The following GAREM1 variants were observed in gnomAD, a reference collection of about 807,000 sequenced individuals.
The protein encoded by GAREM1 is GRB2-associated and regulator of MAPK protein 1.
A neutral mutation model predicts 71.3 loss-of-function variants in GAREM1; 26 were observed. The observed-to-expected ratio is 0.36, with a 90% CI of 0.27 to 0.51. The LOEUF (loss-of-function observed/expected upper bound fraction) is 0.51, where lower values mean the gene tolerates loss of function less well. GAREM1 is among the 20% of genes least tolerant of loss of function. The probability of loss-of-function intolerance (pLI) is 0.95; values close to 1 mark genes in which losing one functional copy is unlikely to be tolerated. For missense variants in GAREM1, 1,026 were observed against 1,103.1 expected, an observed-to-expected ratio of 0.93 and a Z score of 0.99; for synonymous variants, 440 against 433.2, an observed-to-expected ratio of 1.02 and a Z score of -0.20.
chr18:32,267,824 C>T lies in GAREM1; in HGVS notation c.*47G>A, dbSNP rs1055236478. ...TTGTGTCCCAGCCCACCCCTTCTAG[C>T]ACACGCATTGATCAGTTTTGTTCCA... On this transcript the variant is annotated 3_prime_UTR_variant, in exon 6 of 6. Transcript: ENST00000269209. The T allele has an allele frequency of 6.7e-7, 1 of 1,486,976 alleles. No homozygotes were observed. The highest frequency in any genetic ancestry group is 9.2e-7 in the Non-Finnish European group (1 of 1,086,222). The allele number at this position is 1,486,976 out of a possible 1,614,324, so 92.1% of individuals were successfully genotyped here.
At chr18:32,299,780 C>T (rs1285362238) in intron 3 of GAREM1, among the ~76,000 whole-genome samples, 1 of 151,994 alleles carries the variant, frequency 6.6e-6, no homozygotes, top group Non-Finnish European at 1.5e-5. Flanking sequence ...AATTTACAGC[C>T]TTAGCAAAAC....
intron 4 of GAREM1, among the ~76,000 whole-genome samples, chr18:32,272,223 T>C (rs887128468): frequency 2.0e-5 from 3 of 152,202 alleles, no homozygotes; most frequent in Non-Finnish European, 4.4e-5. Flanking sequence ...CCTGATTCAC[T>C]TGCCAGAGAA....
At position 32,331,211 on chromosome 18, in the gene GAREM1, T is replaced by G. The variant is rs539709885; in HGVS notation, c.263-20888A>C. 3.9e-5 allele frequency among the ~76,000 whole-genome samples: 6 copies of G among 152,318 alleles called. No homozygotes were observed. In the South Asian group the frequency reaches 1.2e-3, roughly 32 times the overall value. ...CTTAAAAACCCGACAAAAAATGGGT[T>G]TGGAGTTATACCCTTTCTTAAACTG... On this transcript the variant is annotated intron_variant, in intron 2 of 5. Transcript: ENST00000269209.
intron 2 of GAREM1, among the ~76,000 whole-genome samples, chr18:32,325,605 A>C (rs1045830797): frequency 2.7e-4 from 41 of 152,316 alleles, no homozygotes; most frequent in African/African-American, 9.4e-4. Context: ...TTCAAGACTG[A>C]GGTAGGACAG....
chr18:32,309,713 A>G (rs1369537143), intron 3 of GAREM1, among the ~76,000 whole-genome samples: 1 of 151,760 alleles, frequency 6.6e-6, no homozygotes, highest in African/African-American at 2.4e-5. Context: ...TTTTCTCTAT[A>G]TATAGTGAAA....
chr18:32,465,881 C>G (rs2048994304), intron 1 of GAREM1, among the ~76,000 whole-genome samples: 1 of 152,214 alleles, frequency 6.6e-6, no homozygotes, highest in Non-Finnish European at 1.5e-5. Flanking sequence ...ACCATCTCCC[C>G]TTCACAATGG....
chr18:32,284,781 GCT>G (rs2046993818), intron 4 of GAREM1, among the ~76,000 whole-genome samples: 1 of 141,770 alleles, frequency 7.1e-6, no homozygotes, highest in Non-Finnish European at 1.5e-5. Context: ...AGACAGTCTC[GCT>G]CTGTCGCCCA....
At chr18:32,322,204 A>G (rs1356669856) in intron 2 of GAREM1, among the ~76,000 whole-genome samples, 1 of 152,176 alleles carries the variant, frequency 6.6e-6, no homozygotes, top group Non-Finnish European at 1.5e-5. Flanking sequence ...GCTGAAACTA[A>G]AAGGCATGAC....
intron 2 of GAREM1, among the ~76,000 whole-genome samples, chr18:32,317,200 T>A (rs922549143): frequency 6.6e-6 from 1 of 151,304 alleles, no homozygotes; most frequent in Non-Finnish European, 1.5e-5. Context: ...AGGCCAGGAG[T>A]TTAAGACCAA....
chr18:32,467,267 T>C (rs2049008752), intron 1 of GAREM1, among the ~76,000 whole-genome samples: 1 of 152,156 alleles, frequency 6.6e-6, no homozygotes, highest in South Asian at 2.1e-4. Context: ...AGCACTTAAT[T>C]TGGTGTCTAC....
chr18:32,279,136 T>C (rs1300420555), intron 4 of GAREM1, among the ~76,000 whole-genome samples: 1 of 152,226 alleles, frequency 6.6e-6, no homozygotes, highest in Non-Finnish European at 1.5e-5. Flanking sequence ...TAAATATACT[T>C]AAGTAGTGTA....
At chr18:32,440,150 C>T (rs753499256) in intron 1 of GAREM1, among the ~76,000 whole-genome samples, 6 of 152,194 alleles carry the variant, frequency 3.9e-5, no homozygotes, top group African/African-American at 7.2e-5. Context: ...CTTACCAGTA[C>T]ATCAAGCAAT....
intron 3 of GAREM1, among the ~76,000 whole-genome samples, chr18:32,299,578 C>A (rs1391160915): frequency 6.7e-6 from 1 of 149,366 alleles, no homozygotes; most frequent in Non-Finnish European, 1.5e-5. Context: ...TTTAAATATT[C>A]CTTTTTACAT....
At chr18:32,422,048 T>C (rs748228569) in intron 1 of GAREM1, among the ~76,000 whole-genome samples, 3 of 152,124 alleles carry the variant, frequency 2.0e-5, no homozygotes, top group Admixed American at 6.6e-5. Context: ...TGCAGGTTTG[T>C]TACATATGTA....
chr18:32,328,521 T>C (rs1367729199), intron 2 of GAREM1, among the ~76,000 whole-genome samples: 2 of 152,232 alleles, frequency 1.3e-5, no homozygotes, highest in African/African-American at 4.8e-5. Flanking sequence ...TCATGAGTGC[T>C]ATTCCTGCTA....
chr18:32,327,251 T>C (rs1256607275), intron 2 of GAREM1, among the ~76,000 whole-genome samples: 1 of 152,214 alleles, frequency 6.6e-6, no homozygotes, highest in Non-Finnish European at 1.5e-5. Flanking sequence ...TTTATTAATA[T>C]TTAAGAACCT....
chr18:32,454,054 G>T (rs987569625), intron 1 of GAREM1, among the ~76,000 whole-genome samples: 2 of 152,106 alleles, frequency 1.3e-5, no homozygotes, highest in Non-Finnish European at 2.9e-5. Context: ...CACTATGGTT[G>T]TATATAATAG....
chr18:32,413,807 C>T (rs2048442499), intron 1 of GAREM1, among the ~76,000 whole-genome samples: 1 of 152,084 alleles, frequency 6.6e-6, no homozygotes, highest in East Asian at 1.9e-4. Flanking sequence ...CAGGAGTTTA[C>T]AGATATTGAC....
intron 1 of GAREM1, among the ~76,000 whole-genome samples, chr18:32,431,184 A>T (rs1033684408): frequency 6.6e-6 from 1 of 152,350 alleles, no homozygotes; most frequent in Non-Finnish European, 1.5e-5. Context: ...TCTGAAGATA[A>T]ATCAATAGAA....
Sources: gnomAD v4.1 joint callset for allele counts (sites outside exome capture counted in the v4.1 genomes callset) on GRCh38, gnomAD v4.1.1 for gene constraint, MANE v1.5 for transcripts, NCBI Gene and HGNC (gene_info 2026-07-23, HGNC 2026-07-21) for gene names.